The following NEO1 variants were observed in gnomAD, a reference collection of about 807,000 sequenced individuals.
The protein encoded by NEO1 is neogenin.
NEO1 carries 63 observed loss-of-function variants against 159.7 expected under a neutral mutation model. The observed-to-expected ratio is 0.39, with a 90% confidence interval of 0.32 to 0.49. The LOEUF (loss-of-function observed/expected upper bound fraction) is 0.49. Among genes scored for constraint, NEO1 ranks in the 20% least tolerant of loss-of-function variants. NEO1 has a pLI of 0.85. For synonymous variants in NEO1, 633 were observed against 662.0 expected (o/e 0.96, Z 0.67); for missense variants, 1,615 against 1,831.0 (o/e 0.88, Z 2.15).
intron 9 of NEO1, among the ~76,000 whole-genome samples, chr15:73,246,337 G>A (rs899754511): frequency 4.6e-5 from 7 of 152,112 alleles, no homozygotes; most frequent in African/African-American, 1.7e-4. Context: ...CAGAGTCAGG[G>A]GGTTGATTTA....
chr15:73,210,011 G>A (rs1284062530), intron 7 of NEO1, among the ~76,000 whole-genome samples: 2 of 151,872 alleles, frequency 1.3e-5, no homozygotes, highest in African/African-American at 4.8e-5. Flanking sequence ...CTAAAAAAAC[G>A]AAAAAAAGTA....
intron 5 of NEO1, among the ~76,000 whole-genome samples, chr15:73,138,989 G>C (rs1567291438): frequency 6.6e-6 from 1 of 151,826 alleles, no homozygotes; most frequent in Non-Finnish European, 1.5e-5. Context: ...TTTTTAAAAG[G>C]AAAAAAAGAA....
chr15:73,214,004 A>G lies in NEO1; in HGVS notation c.1292-22343A>G, dbSNP rs191293764. Among the ~76,000 whole-genome samples, 124 of 152,132 alleles carry G rather than the reference A, an allele frequency of 8.2e-4. 1 individual carries two copies. The highest frequency in any genetic ancestry group is 1.5e-3 in the South Asian group (7 of 4,820). On this transcript the variant is annotated intron_variant, in intron 7 of 28. Transcript: ENST00000261908. The stretch of plus-strand genomic sequence containing the variant: ...GTAGCGCATTGTGGTTTTGATTTGC[A>G]TTTCCCTGATCATTAGTGATGTTGA...
At chr15:73,181,744 C>T (rs2035625347) in intron 7 of NEO1, among the ~76,000 whole-genome samples, 1 of 152,154 alleles carries the variant, frequency 6.6e-6, no homozygotes, top group Non-Finnish European at 1.5e-5. Context: ...CAGGTTCCAC[C>T]TCCAACACTG....
chr15:73,089,554 A>C (rs960899453), intron 1 of NEO1, among the ~76,000 whole-genome samples: 1 of 152,146 alleles, frequency 6.6e-6, no homozygotes, highest in African/African-American at 2.4e-5. Flanking sequence ...CGTTAAAAAG[A>C]TAATATTGCC....
chr15:73,241,905 T>C (rs1287838162), intron 8 of NEO1, among the ~76,000 whole-genome samples: 1 of 152,178 alleles, frequency 6.6e-6, no homozygotes, highest in Non-Finnish European at 1.5e-5. Context: ...TCCCATTTTT[T>C]CCCTTTCACA....
At chr15:73,075,026 CAG>C (rs1344366915) in intron 1 of NEO1, among the ~76,000 whole-genome samples, 11 of 152,246 alleles carry the variant, frequency 7.2e-5, no homozygotes, top group Non-Finnish European at 7.4e-5. Context: ...TTCAAAATTA[CAG>C]AGTCATAGGA....
In NEO1 at chr15:73,067,718, G is replaced by A. The variant is rs542652786; in HGVS notation, c.130+14913G>A. On this transcript the variant is annotated intron_variant, in intron 1 of 28. Transcript: ENST00000261908. ...TGCAAGCTCCGCCTCCCAGGTTCAC[G>A]CCATTCTCCTGCCTCAGCCTCCCAA... 8.2e-4 allele frequency among the ~76,000 whole-genome samples: 124 copies of A among 151,354 alleles called. 1 individual carries two copies. Among genetic ancestry groups the A allele is most frequent in the African/African-American group, 2.8e-3 (115 of 41,226 alleles).
At chr15:73,276,395 C>T (rs1006558112) in intron 21 of NEO1, among the ~76,000 whole-genome samples, 2 of 152,176 alleles carry the variant, frequency 1.3e-5, no homozygotes, top group African/African-American at 4.8e-5. Context: ...TACACTTAAA[C>T]CTGAAGAGCC....
rs1010314712 is a variant in NEO1 at position 73,254,318 on chromosome 15, C to T, written c.1945-364C>T. ...AATTTCAGCTCTTCTGCACTGGACA[C>T]GGGAAAGAATCTTTATACCTAATAA... is the stretch of plus-strand genomic sequence containing the variant. On this transcript the variant is annotated intron_variant, in intron 12 of 28. Transcript: ENST00000261908. Among the ~76,000 whole-genome samples, 8 of 152,062 alleles carry T rather than the reference C, an allele frequency of 5.3e-5. No individual in the cohort carries two copies. The East Asian group carries it at 1.2e-3, about 22-fold the overall frequency.
At chr15:73,070,955 G>C (rs1399473772) in intron 1 of NEO1, among the ~76,000 whole-genome samples, 5 of 152,134 alleles carry the variant, frequency 3.3e-5, no homozygotes, top group African/African-American at 1.2e-4. Flanking sequence ...GCAGCATGCT[G>C]AAGTGATTCT....
intron 2 of NEO1, among the ~76,000 whole-genome samples, chr15:73,118,784 G>A (rs1388707282): frequency 6.6e-6 from 1 of 152,118 alleles, no homozygotes; most frequent in East Asian, 1.9e-4. Context: ...CAAGCTAAGG[G>A]ATTAAATAAA....
chr15:73,155,175 T>C (rs2033687776), intron 5 of NEO1, among the ~76,000 whole-genome samples: 1 of 152,156 alleles, frequency 6.6e-6, no homozygotes. Flanking sequence ...TTTATGAATC[T>C]TAATCTTGCT....
intron 5 of NEO1, among the ~76,000 whole-genome samples, chr15:73,168,385 G>GC (rs990669865): frequency 4.2e-5 from 4 of 94,924 alleles, no homozygotes; most frequent in Admixed American, 4.0e-4. Flanking sequence ...GGGGTGGGGG[G>GC]GGGGGGTCTC....
chr15:73,130,165 G>A (rs1179179550), intron 4 of NEO1, among the ~76,000 whole-genome samples: 1 of 152,046 alleles, frequency 6.6e-6, no homozygotes, highest in African/African-American at 2.4e-5. Context: ...ATAGAGACGG[G>A]GTTTCACCAT....
At chr15:73,278,300 G>T (rs2041511616) in intron 22 of NEO1, 101 bp downstream of exon 22, 1 of 1,004,504 alleles carries the variant, frequency 1.0e-6, no homozygotes, top group Non-Finnish European at 1.5e-6. Flanking sequence ...GTGGGTTGTA[G>T]CATATTAGCC....
chr15:73,269,559 C>T (rs1457403882), intron 16 of NEO1, among the ~76,000 whole-genome samples: 1 of 152,156 alleles, frequency 6.6e-6, no homozygotes, highest in East Asian at 1.9e-4. Flanking sequence ...CAGGTTTCAC[C>T]ATATTGGCTA....
chr15:73,226,301 G>A (rs1249753725), intron 7 of NEO1, among the ~76,000 whole-genome samples: 5 of 152,194 alleles, frequency 3.3e-5, no homozygotes. Flanking sequence ...CCAAGTCGGA[G>A]CTGCAGTCTA....
Position 73,285,577 on chromosome 15 carries a change from C to T in NEO1, c.3410+2466C>T, listed in dbSNP as rs537284368. 5.3e-4 allele frequency among the ~76,000 whole-genome samples: 80 copies of T among 152,260 alleles called. 1 individual carries two copies. The highest frequency in any genetic ancestry group is 1.9e-3 in the African/African-American group (77 of 41,532). On this transcript the variant is annotated intron_variant, in intron 23 of 28. Transcript: ENST00000261908. ...TCCATTGACTGTTGAAAAATATAAG[C>T]GAGCTTTTCTTACTACTTTTCTTCC...
Sources: allele counts gnomAD v4.1 joint callset (sites outside exome capture counted in the v4.1 genomes callset), GRCh38; gene constraint gnomAD v4.1.1; transcripts MANE v1.5; gene names NCBI Gene and HGNC (gene_info 2026-07-23, HGNC 2026-07-21).